ZNF136: variants seen among roughly 807,000 people sequenced by gnomAD.
ZNF136 encodes zinc finger protein 136 (clone pHZ-20).
Under a neutral mutation model 11.4 loss-of-function variants are expected in ZNF136, and 8 were observed. The ratio of observed to expected loss-of-function variants is 0.70; its 90% CI spans 0.41 to 1.27. ZNF136 has a LOEUF of 1.27. Ranked by LOEUF, ZNF136 falls within the 50% of genes most tolerant of loss-of-function variation. The pLI, the probability that ZNF136 is intolerant of heterozygous loss-of-function variation, is 0.01. For missense variants in ZNF136, 590 were observed against 656.5 expected (o/e 0.90, Z 1.11); for synonymous variants, 190 against 207.1 (o/e 0.92, Z 0.71).
At position 12,186,809 on chromosome 19, in the gene ZNF136, A is replaced by G. The variant is rs1418970549; in HGVS notation, c.431A>G (p.Gln144Arg). The change falls in exon 4 of 4, where the codon CAG becomes CGG. Residue 144 changes from glutamine to arginine, a missense_variant. By Grantham distance (43) the Gln-to-Arg change is conservative (BLOSUM62 1). Transcript: ENST00000343979. ...EYGEKPDTRN[Q>R]CWKPFSSHHS... ...GGAGAGAAGCCAGATACACGTAACCAGTGTTGGAAACCCTTCAGTTCTCAC... is the reference window on the plus strand; with the variant it reads ...GGAGAGAAGCCAGATACACGTAACCGGTGTTGGAAACCCTTCAGTTCTCAC... The G allele has an allele frequency of 1.2e-6, 2 of 1,614,176 alleles. No individual in the cohort carries two copies. The highest frequency in any genetic ancestry group is 1.6e-4 in the Middle Eastern group (1 of 6,062).
rs1266760466 is a variant in ZNF136 at position 12,170,035 on chromosome 19, C to T, written c.3+6829C>T. Reference sequence around the variant, plus strand: ...GGTCTCGATCTCCTGACCTCGTGATCTGCCCACCTTGGCCTCCCAAAGTGC... The same window carrying T: ...GGTCTCGATCTCCTGACCTCGTGATTTGCCCACCTTGGCCTCCCAAAGTGC... On this transcript the variant is annotated intron_variant, in intron 1 of 3. Transcript: ENST00000343979. Among the ~76,000 whole-genome samples the T allele has an allele frequency of 5.1e-4, 73 of 143,452 alleles. 1 individual carries two copies. Among genetic ancestry groups the T allele is most frequent in the Admixed American group, 3.6e-3 (50 of 13,732 alleles). 94.1% of individuals were successfully genotyped at this position (143,452 alleles called of 152,430 possible).
chr19:12,186,681 C>T lies in ZNF136; in HGVS notation c.303C>T (p.Leu101=). ...GCAAGAAAATCCCTGGAGTGAAACT[C>T]TGTGAAAGCATTGTATATGGAGAAG... is the stretch of plus-strand genomic sequence containing the variant. ...NLSKKIPGVK[L]CESIVYGEVS... Residue 101 remains leucine, a synonymous_variant, in exon 4 of 4, where the codon CTC becomes CTT. Transcript: ENST00000343979. The T allele has an allele frequency of 6.2e-6, 10 of 1,614,128 alleles. No homozygotes were observed. The highest frequency in any genetic ancestry group is 8.5e-6 in the Non-Finnish European group (10 of 1,180,012).
chr19:12,184,326 C>T (rs561026220), intron 1 of ZNF136, among the ~76,000 whole-genome samples: 5 of 151,384 alleles, frequency 3.3e-5, no homozygotes, highest in Non-Finnish European at 7.4e-5. Flanking sequence ...TTTGGGAGGC[C>T]GAGGTGGGCA....
intron 1 of ZNF136, 104 bp from the exon 2 acceptor site, chr19:12,185,681 G>C: frequency 6.9e-7 from 1 of 1,448,484 alleles, no homozygotes; most frequent in East Asian, 2.4e-5. Flanking sequence ...TGGAGTAAAT[G>C]TTTGCAGACC....
chr19:12,170,084 A>C (rs10405710), intron 1 of ZNF136, among the ~76,000 whole-genome samples: 1 of 126,940 alleles, frequency 7.9e-6, no homozygotes, highest in Non-Finnish European at 1.8e-5. Context: ...GTGAGCCACC[A>C]CGCCCGGCCA....
At chr19:12,177,436 G>A (rs867918746) in intron 1 of ZNF136, among the ~76,000 whole-genome samples, 16 of 152,186 alleles carry the variant, frequency 1.1e-4, no homozygotes, top group Admixed American at 4.6e-4. Context: ...TCTACCTCCC[G>A]GGTCCCAGTT....
In ZNF136 at chr19:12,188,117, T is replaced by G; in HGVS notation, c.*116T>G. 1 of 850,468 alleles carries G rather than the reference T, an allele frequency of 1.2e-6. No homozygotes were observed. The highest frequency in any genetic ancestry group is 3.5e-5 in the Admixed American group (1 of 28,252). 52.7% of individuals were successfully genotyped at this position (850,468 alleles called of 1,614,324 possible). On this transcript the variant is annotated 3_prime_UTR_variant, in exon 4 of 4. Transcript: ENST00000343979. Reference sequence around the variant, plus strand: ...GTGCCTTTTTTAATACATGAAAGAATTCTAGAGAGAAGCCATATACATGTA... The same window carrying G: ...GTGCCTTTTTTAATACATGAAAGAAGTCTAGAGAGAAGCCATATACATGTA...
At chr19:12,181,796 G>A (rs1325651767) in intron 1 of ZNF136, among the ~76,000 whole-genome samples, 3 of 151,988 alleles carry the variant, frequency 2.0e-5, no homozygotes, top group Non-Finnish European at 4.4e-5. Context: ...CACTACGCCC[G>A]GCTAATTTCT....
chr19:12,167,030 A>G (rs1315490955), intron 1 of ZNF136, among the ~76,000 whole-genome samples: 1 of 152,254 alleles, frequency 6.6e-6, no homozygotes, highest in Non-Finnish European at 1.5e-5. Flanking sequence ...CAAACAGATT[A>G]GAAAGAAGAT....
chr19:12,177,418 C>T (rs1281018099), intron 1 of ZNF136, among the ~76,000 whole-genome samples: 1 of 152,222 alleles, frequency 6.6e-6, no homozygotes, highest in Non-Finnish European at 1.5e-5. Flanking sequence ...TCTCGGCTCA[C>T]TACAACCTCT....
Position 12,163,137 on chromosome 19 carries a change from T to C in ZNF136, c.-67T>C. ...CAGAGTGGCTCGCCTGGAGTCTCTG[T>C]GGCGCGGTTTCCTGTACCTGCCTTG... On this transcript the variant is annotated 5_prime_UTR_variant, in exon 1 of 4. Transcript: ENST00000343979. The C allele has an allele frequency of 2.9e-6, 4 of 1,392,000 alleles. No individual in the cohort carries two copies. The highest frequency in any genetic ancestry group is 2.9e-5 in the Admixed American group (1 of 34,808). 86.2% of individuals were successfully genotyped at this position (1,392,000 alleles called of 1,614,324 possible). A position where few individuals can be genotyped will look rare whatever the true frequency, so the allele number is the denominator to read the frequency against.
intron 1 of ZNF136, among the ~76,000 whole-genome samples, chr19:12,181,753 G>A (rs1914948703): frequency 6.6e-6 from 1 of 152,056 alleles, no homozygotes; most frequent in South Asian, 2.1e-4. Context: ...TCCTGCTTCA[G>A]CCTCCCGAGT....
At chr19:12,180,702 C>A (rs939018568) in intron 1 of ZNF136, among the ~76,000 whole-genome samples, 1 of 152,052 alleles carries the variant, frequency 6.6e-6, no homozygotes, top group African/African-American at 2.4e-5. Context: ...TAGTGCATAG[C>A]AATATAGACA....
chr19:12,171,796 C>T (rs955988795), intron 1 of ZNF136, among the ~76,000 whole-genome samples: 31 of 151,840 alleles, frequency 2.0e-4, no homozygotes, highest in African/African-American at 6.5e-4. Context: ...CTCTTCCTTT[C>T]AGGCCTACTT....
rs868869075 is a variant in ZNF136 at position 12,186,151 on chromosome 19, C to T, written c.168C>T (p.Tyr56=). The change falls in exon 3 of 4, where the codon TAC becomes TAT. Residue 56 remains tyrosine, a synonymous_variant. Coordinates refer to ENST00000343979, the MANE Select transcript of ZNF136 (RefSeq NM_003437.5). ...AGGACCAGAACATTAAAGATCACTACAAACACCGAGGGAGAAATCTAAGGT... is the reference window on the plus strand; with the variant it reads ...AGGACCAGAACATTAAAGATCACTATAAACACCGAGGGAGAAATCTAAGGT... ...KWKDQNIKDH[Y]KHRGRNLRSH... is the part of the protein sequence containing the mutation. 1.9e-6 allele frequency: 3 copies of T among 1,611,424 alleles called. No individual in the cohort carries two copies. The highest frequency in any genetic ancestry group is 2.5e-6 in the Non-Finnish European group (3 of 1,179,370).
chr19:12,185,595 C>T, intron 1 of ZNF136, 190 bp from the exon 2 acceptor site: 1 of 632,972 alleles, frequency 1.6e-6, no homozygotes, highest in African/African-American at 1.9e-5. Context: ...TCAGACACTG[C>T]TATTGTTCTA....
chr19:12,187,789 A>C lies in ZNF136; in HGVS notation c.1411A>C (p.Thr471Pro). 1 of 1,610,748 alleles carries C rather than the reference A, an allele frequency of 6.2e-7. No individual in the cohort carries two copies. The highest frequency in any genetic ancestry group is 8.5e-7 in the Non-Finnish European group (1 of 1,178,916). ...CTTTCGAACACATGAAATGATTCACACTGGTGAGAAACCCTTTGAATGTAA... is the reference window on the plus strand; with the variant it reads ...CTTTCGAACACATGAAATGATTCACCCTGGTGAGAAACCCTTTGAATGTAA... Reference protein sequence around the residue: ...NSFRTHEMIHTGEKPFECKRC... With the variant: ...NSFRTHEMIHPGEKPFECKRC... Residue 471 changes from threonine (T) to proline (P), a missense_variant, in exon 4 of 4, where the codon ACT becomes CCT. Thr to Pro is a conservative substitution (Grantham distance 38). Transcript: ENST00000343979.
At chr19:12,183,612 T>A (rs751240404) in intron 1 of ZNF136, among the ~76,000 whole-genome samples, 1 of 151,850 alleles carries the variant, frequency 6.6e-6, no homozygotes, top group East Asian at 1.9e-4. Context: ...TCTATGTTTA[T>A]CTTGAGACAG....
At chr19:12,169,279 C>CA (rs1017279260) in intron 1 of ZNF136, 2 of 152,124 alleles carry the variant, frequency 1.3e-5, no homozygotes, top group African/African-American at 4.8e-5. Flanking sequence ...TATTTGTTGT[C>CA]AGAAAAAATG....
Sources: gnomAD v4.1 joint callset for allele counts (sites outside exome capture counted in the v4.1 genomes callset) on GRCh38, gnomAD v4.1.1 for gene constraint, MANE v1.5 for transcripts, NCBI Gene and HGNC (gene_info 2026-07-23, HGNC 2026-07-21) for gene names.